GTF2IRD1: variants seen among roughly 807,000 people sequenced by gnomAD.
GTF2IRD1 encodes the protein GTF2I repeat domain containing 1.
A neutral mutation model predicts 113.2 loss-of-function variants in GTF2IRD1; 26 were observed. That is an observed-to-expected ratio of 0.23 (90% confidence interval 0.17 to 0.32). The LOEUF (loss-of-function observed/expected upper bound fraction) is 0.32. Among genes scored for constraint, GTF2IRD1 ranks in the 10% least tolerant of loss-of-function variants. The pLI is 1.00. For missense variants in GTF2IRD1, 864 were observed against 1,280.8 expected (o/e 0.67, Z 4.97); for synonymous variants, 484 against 529.1 (o/e 0.91, Z 1.17).
intron 22 of GTF2IRD1, among the ~76,000 whole-genome samples, chr7:74,589,075 G>T (rs1278657699): frequency 6.6e-6 from 1 of 152,144 alleles, no homozygotes; most frequent in Non-Finnish European, 1.5e-5. Flanking sequence ...TGTGGGATGG[G>T]CTGGCCACCG....
intron 1 of GTF2IRD1, among the ~76,000 whole-genome samples, chr7:74,488,044 C>T (rs995900991): frequency 5.9e-5 from 9 of 152,050 alleles, no homozygotes; most frequent in Admixed American, 1.3e-4. Context: ...ACTTTGGGAG[C>T]CCAAGGTGAG....
At chr7:74,540,186 G>A (rs145479350) in intron 14 of GTF2IRD1, among the ~76,000 whole-genome samples, 106 of 152,236 alleles carry the variant, frequency 7.0e-4, no homozygotes, top group African/African-American at 2.5e-3. Flanking sequence ...CACTCTTGTT[G>A]CCCAGGCTGG....
intron 22 of GTF2IRD1, among the ~76,000 whole-genome samples, chr7:74,564,738 G>A (rs1800188498): frequency 6.9e-6 from 1 of 145,636 alleles, no homozygotes; most frequent in Non-Finnish European, 1.5e-5. Flanking sequence ...GCGAGGTCTT[G>A]TCTCTAAAAA....
At chr7:74,461,671 C>T (rs948845334) in intron 1 of GTF2IRD1, among the ~76,000 whole-genome samples, 3 of 152,070 alleles carry the variant, frequency 2.0e-5, no homozygotes, top group Admixed American at 6.6e-5. Flanking sequence ...CTCTGCCTCC[C>T]GGGTTCAAGC....
chr7:74,481,257 C>T (rs1264623575), intron 1 of GTF2IRD1, among the ~76,000 whole-genome samples: 2 of 152,230 alleles, frequency 1.3e-5, no homozygotes, highest in Non-Finnish European at 2.9e-5. Flanking sequence ...TGGGCTCAAG[C>T]CATCCTCCCA....
At chr7:74,498,665 C>T (rs782021453) in intron 1 of GTF2IRD1, among the ~76,000 whole-genome samples, 1 of 151,828 alleles carries the variant, frequency 6.6e-6, no homozygotes, top group African/African-American at 2.4e-5. Context: ...CCCCTTTCCC[C>T]ATTGTCAAGC....
chr7:74,534,309 G>A (rs1394277309), intron 9 of GTF2IRD1, among the ~76,000 whole-genome samples: 1 of 152,138 alleles, frequency 6.6e-6, no homozygotes, highest in African/African-American at 2.4e-5. Flanking sequence ...GTGCAAAAAT[G>A]GTTTGGGATA....
At chr7:74,536,618 G>A (rs782705182) in intron 11 of GTF2IRD1, among the ~76,000 whole-genome samples, 7 of 151,912 alleles carry the variant, frequency 4.6e-5, no homozygotes, top group Non-Finnish European at 7.4e-5. Flanking sequence ...GACCAGCCTG[G>A]GCAACATGGT....
At chr7:74,514,678 C>T (rs1796822428) in intron 3 of GTF2IRD1, among the ~76,000 whole-genome samples, 1 of 151,920 alleles carries the variant, frequency 6.6e-6, no homozygotes, top group South Asian at 2.1e-4. Context: ...CTCCTTGGAG[C>T]AGGGGTTGGG....
chr7:74,463,677 C>T (rs986778378), intron 1 of GTF2IRD1, among the ~76,000 whole-genome samples: 5 of 151,672 alleles, frequency 3.3e-5, no homozygotes, highest in African/African-American at 9.7e-5. Flanking sequence ...ACATGTGAGG[C>T]TCAAGCCTCC....
chr7:74,482,574 A>G (rs1794804629), intron 1 of GTF2IRD1, among the ~76,000 whole-genome samples: 1 of 151,970 alleles, frequency 6.6e-6, no homozygotes, highest in Non-Finnish European at 1.5e-5. Flanking sequence ...TGTAAGAGAA[A>G]CACCTTGATA....
intron 22 of GTF2IRD1, among the ~76,000 whole-genome samples, chr7:74,589,215 G>A (rs1203108159): frequency 6.6e-6 from 1 of 152,070 alleles, no homozygotes; most frequent in African/African-American, 2.4e-5. Context: ...AAAAAATTAG[G>A]CATGGTGGCA....
At chr7:74,474,482 T>G (rs1794292014) in intron 1 of GTF2IRD1, among the ~76,000 whole-genome samples, 1 of 152,124 alleles carries the variant, frequency 6.6e-6, no homozygotes, top group South Asian at 2.1e-4. Context: ...GGGACTGGAT[T>G]GTGGTTGACA....
intron 25 of GTF2IRD1, among the ~76,000 whole-genome samples, chr7:74,596,643 G>A (rs587724227): frequency 4.0e-5 from 6 of 151,652 alleles, no homozygotes; most frequent in African/African-American, 7.3e-5. Context: ...ACTCTGTCTC[G>A]AAAAGAAAAA....
chr7:74,477,880 C>G (rs1374566405), intron 1 of GTF2IRD1, among the ~76,000 whole-genome samples: 1 of 152,174 alleles, frequency 6.6e-6, no homozygotes, highest in Non-Finnish European at 1.5e-5. Flanking sequence ...TGTTCCTCAT[C>G]CGTGTTGTTC....
At chr7:74,508,256 G>A in intron 2 of GTF2IRD1, 53 bp downstream of exon 2, 9 of 1,570,924 alleles carry the variant, frequency 5.7e-6, no homozygotes, top group Non-Finnish European at 7.8e-6. Flanking sequence ...GTCCCCACCT[G>A]CCTTGTAGCT....
rs955312161 is a variant in GTF2IRD1, at chr7:74,521,353, G to A, written c.1006+56G>A. Reference sequence around the variant, plus strand: ...TGAGTGGGAATCTGAGGTTGGAGGTGGTGCTTATTGAAATGGAAGTGTATC... The same window carrying A: ...TGAGTGGGAATCTGAGGTTGGAGGTAGTGCTTATTGAAATGGAAGTGTATC... On this transcript the variant is annotated intron_variant, in intron 7 of 26. Coordinates refer to ENST00000424337, the MANE Select transcript of GTF2IRD1 (RefSeq NM_005685.4). 4.9e-6 allele frequency: 5 copies of A among 1,025,776 alleles called. No individual in the cohort carries two copies. The African/African-American group carries it at 7.8e-5, about 16-fold the overall frequency. The allele number at this position is 1,025,776 out of a possible 1,614,324, so 63.5% of individuals were successfully genotyped here.
At chr7:74,560,590 A>G (rs1267956709) in intron 22 of GTF2IRD1, among the ~76,000 whole-genome samples, 1 of 149,996 alleles carries the variant, frequency 6.7e-6, no homozygotes, top group Non-Finnish European at 1.5e-5. Context: ...ATAGAGAGAG[A>G]GAGAGACAGA....
chr7:74,497,302 C>T (rs1026738106), intron 1 of GTF2IRD1, among the ~76,000 whole-genome samples: 5 of 152,162 alleles, frequency 3.3e-5, no homozygotes, highest in South Asian at 2.1e-4. Flanking sequence ...TTTGCAAGAG[C>T]GGAAACGTGG....
Sources: gnomAD v4.1 joint callset for allele counts (sites outside exome capture counted in the v4.1 genomes callset) on GRCh38, gnomAD v4.1.1 for gene constraint, MANE v1.5 for transcripts, NCBI Gene and HGNC (gene_info 2026-07-23, HGNC 2026-07-21) for gene names.